THSD7A: variants seen among roughly 807,000 people sequenced by gnomAD.
The protein encoded by THSD7A is thrombospondin type 1 domain containing 7A.
THSD7A carries 96 observed loss-of-function variants against 231.3 expected under a neutral mutation model. The ratio of observed to expected loss-of-function variants is 0.41; its 90% CI spans 0.35 to 0.49. The LOEUF (loss-of-function observed/expected upper bound fraction) is 0.49, where lower values mean the gene tolerates loss of function less well. THSD7A is among the 20% of genes least tolerant of loss of function. The pLI, the probability that THSD7A is intolerant of heterozygous loss-of-function variation, is 0.05. For missense variants in THSD7A, 2,290 were observed against 2,070.2 expected, an observed-to-expected ratio of 1.11 and a Z score of -2.06; for synonymous variants, 940 against 743.3, an observed-to-expected ratio of 1.26 and a Z score of -4.30.
chr7:11,765,056 C>CTTTTTTTTTTTTTTT (rs1325721663), intron 1 of THSD7A, among the ~76,000 whole-genome samples: 1 of 151,742 alleles, frequency 6.6e-6, no homozygotes, highest in Non-Finnish European at 1.5e-5. Context: ...ATGTATAAAT[C>CTTTTTTTTTTTTTTT]TTTTTATTAA....
At chr7:11,745,515 T>G (rs1413745094) in intron 1 of THSD7A, among the ~76,000 whole-genome samples, 3 of 152,160 alleles carry the variant, frequency 2.0e-5, no homozygotes, top group Non-Finnish European at 2.9e-5. Context: ...ATGAAGTCCT[T>G]GCCCATGCCT....
chr7:11,373,983 C>T lies in THSD7A; in HGVS notation c.*1811G>A, dbSNP rs1782164739. The T allele has an allele frequency of 6.6e-6, 1 of 151,966 alleles. No individual in the cohort carries two copies. The highest frequency in any genetic ancestry group is 2.4e-5 in the African/African-American group (1 of 41,384). The allele number at this position is 151,966 out of a possible 1,614,324, so 9.4% of individuals were successfully genotyped here. ...CTGCTGAGTTAGTTAAATATTGTTC[C>T]ACTGTGCCATTCCCAGGGCTACATC... is the stretch of plus-strand genomic sequence containing the variant. On this transcript the variant is annotated 3_prime_UTR_variant, in exon 28 of 28. Coordinates refer to ENST00000423059, the MANE Select transcript of THSD7A (RefSeq NM_015204.3).
At chr7:11,536,319 T>C (rs1161475627) in intron 6 of THSD7A, among the ~76,000 whole-genome samples, 1 of 152,164 alleles carries the variant, frequency 6.6e-6, no homozygotes, top group Non-Finnish European at 1.5e-5. Context: ...CGTTTTGTAA[T>C]GGGTAGTGTT....
At chr7:11,479,343 T>C (rs145165622) in intron 7 of THSD7A, among the ~76,000 whole-genome samples, 5 of 152,324 alleles carry the variant, frequency 3.3e-5, no homozygotes, top group Non-Finnish European at 7.4e-5. Context: ...GATCTACTTT[T>C]CGCATGGACT....
chr7:11,464,140 A>G (rs982131200), intron 9 of THSD7A, among the ~76,000 whole-genome samples: 10 of 151,492 alleles, frequency 6.6e-5, no homozygotes, highest in Middle Eastern at 3.4e-3. Flanking sequence ...CTTTTGTTTT[A>G]TGTGTATGAA....
At chr7:11,402,508 A>G (rs1296144977) in intron 22 of THSD7A, among the ~76,000 whole-genome samples, 1 of 152,172 alleles carries the variant, frequency 6.6e-6, no homozygotes, top group South Asian at 2.1e-4. Flanking sequence ...AATGCTCACT[A>G]TTTCCTCTGA....
chr7:11,768,822 A>T (rs552776853), intron 1 of THSD7A, among the ~76,000 whole-genome samples: 2 of 152,140 alleles, frequency 1.3e-5, no homozygotes, highest in South Asian at 4.1e-4. Context: ...AAGTACTTTT[A>T]TTTCAATCAG....
chr7:11,423,229 C>A (rs1784208666), intron 16 of THSD7A, among the ~76,000 whole-genome samples: 1 of 152,028 alleles, frequency 6.6e-6, no homozygotes, highest in African/African-American at 2.4e-5. Context: ...GGTCCATATG[C>A]AAAGGTTTTA....
At chr7:11,719,775 T>C (rs745791076) in intron 1 of THSD7A, among the ~76,000 whole-genome samples, 2 of 151,762 alleles carry the variant, frequency 1.3e-5, no homozygotes, top group East Asian at 2.0e-4. Context: ...AGTTCTTCCA[T>C]ATTAACAGGG....
intron 23 of THSD7A, among the ~76,000 whole-genome samples, chr7:11,397,116 T>A (rs556248289): frequency 6.6e-6 from 1 of 152,282 alleles, no homozygotes; most frequent in Admixed American, 6.5e-5. Context: ...AAACTAGGTA[T>A]TGATGGAACA....
chr7:11,665,322 A>G (rs577799274), intron 1 of THSD7A, among the ~76,000 whole-genome samples: 2 of 152,220 alleles, frequency 1.3e-5, no homozygotes, highest in South Asian at 4.1e-4. Flanking sequence ...AGACCCTGCC[A>G]GCTGTAGAAC....
chr7:11,497,727 A>G (rs530418762), intron 6 of THSD7A, among the ~76,000 whole-genome samples: 68 of 152,316 alleles, frequency 4.5e-4, no homozygotes, highest in Admixed American at 3.3e-4. Context: ...GAGGAACAGA[A>G]GGGCAAGTAA....
chr7:11,674,206 G>T (rs1692958232), intron 1 of THSD7A, among the ~76,000 whole-genome samples: 1 of 152,120 alleles, frequency 6.6e-6, no homozygotes, highest in Non-Finnish European at 1.5e-5. Flanking sequence ...CACTGAAGTA[G>T]GCACCACCAA....
chr7:11,616,702 T>C (rs565192422), intron 2 of THSD7A, among the ~76,000 whole-genome samples: 17 of 152,270 alleles, frequency 1.1e-4, no homozygotes, highest in African/African-American at 3.6e-4. Flanking sequence ...CTCCCCAGTG[T>C]CTTCTTTTAC....
At chr7:11,622,360 T>C (rs7457982) in intron 2 of THSD7A, among the ~76,000 whole-genome samples, 6,886 of 152,130 alleles carry the variant, frequency 0.045, 481 homozygotes, top group African/African-American at 0.15. Context: ...CCATTATTTA[T>C]TATTATTAAT....
At chr7:11,486,526 G>A (rs1786665332) in intron 6 of THSD7A, among the ~76,000 whole-genome samples, 1 of 152,108 alleles carries the variant, frequency 6.6e-6, no homozygotes, top group African/African-American at 2.4e-5. Context: ...CATTAAATCT[G>A]GACAGACACA....
chr7:11,522,787 T>C (rs1267922961), intron 6 of THSD7A, among the ~76,000 whole-genome samples: 1 of 152,178 alleles, frequency 6.6e-6, no homozygotes, highest in Admixed American at 6.5e-5. Context: ...ATGTTTCTTT[T>C]GTTTCCACTA....
rs1332790680 is a variant in THSD7A at position 11,590,218 on chromosome 7, A to C, written c.1453+242T>G. Reference sequence around the variant, plus strand: ...CTTTGATGAAGAGGTTGAGTCAAGAAGGCCTTTAAGTCAAAATTTTAAAGA... The same window carrying C: ...CTTTGATGAAGAGGTTGAGTCAAGACGGCCTTTAAGTCAAAATTTTAAAGA... On this transcript the variant is annotated intron_variant, in intron 4 of 27. Transcript: ENST00000423059. This position sits in a 1 kb window ranked among gnomAD's most constrained non-coding sequence, Gnocchi z 4.4. Among the ~76,000 whole-genome samples, 1 of 152,230 alleles carries C rather than the reference A, an allele frequency of 6.6e-6. No individual in the cohort carries two copies. The highest frequency in any genetic ancestry group is 1.5e-5 in the Non-Finnish European group (1 of 68,046).
At chr7:11,750,132 T>G (rs1395851696) in intron 1 of THSD7A, among the ~76,000 whole-genome samples, 1 of 151,916 alleles carries the variant, frequency 6.6e-6, no homozygotes, top group Non-Finnish European at 1.5e-5. Flanking sequence ...TATGCCATTT[T>G]AAGATTATGA....
Sources: gnomAD v4.1 joint callset for allele counts (sites outside exome capture counted in the v4.1 genomes callset) on GRCh38, gnomAD v4.1.1 for gene constraint, Gnocchi (gnomAD v3.1) non-coding constraint, MANE v1.5 for transcripts, NCBI Gene and HGNC (gene_info 2026-07-23, HGNC 2026-07-21) for gene names.